FMNL3: variants seen among roughly 807,000 people sequenced by gnomAD.
FMNL3 encodes formin-like protein 3.
In FMNL3, 57 loss-of-function variants were observed where a neutral mutation model predicts 119.6. The ratio of observed to expected loss-of-function variants is 0.48; its 90% CI spans 0.39 to 0.59. FMNL3 has a LOEUF of 0.59. Among genes scored for constraint, FMNL3 ranks in the 20% least tolerant of loss-of-function variants. The probability of loss-of-function intolerance (pLI) is 0.00; values close to 1 mark genes in which losing one functional copy is unlikely to be tolerated. For missense variants in FMNL3, 1,053 were observed against 1,323.5 expected (o/e 0.80, Z 3.17); for synonymous variants, 491 against 507.3 (o/e 0.97, Z 0.43).
rs1265539941 is a variant in FMNL3 at position 49,707,067 on chromosome 12, G to A, written c.114C>T (p.Phe38=). Residue 38 remains phenylalanine, a synonymous_variant, in exon 1 of 26, where the codon TTC becomes TTT. Transcript: ENST00000335154. ...GCTCAGCTCTCACCAGCACCAGGGC[G>A]AACCTTTCCTCCAGCTCACAGGGCT... ...MPEPCELEER[F]ALVLSSMNLP... 1 of 1,586,796 alleles carries A rather than the reference G, an allele frequency of 6.3e-7. No homozygotes were observed. Among genetic ancestry groups the A allele is most frequent in the Non-Finnish European group, 8.6e-7 (1 of 1,167,958 alleles).
intron 1 of FMNL3, among the ~76,000 whole-genome samples, chr12:49,676,885 T>A (rs1223707831): frequency 6.6e-6 from 1 of 152,220 alleles, no homozygotes; most frequent in Admixed American, 6.5e-5. Context: ...TCTAAGCCAC[T>A]TCCCTGCTCT....
chr12:49,683,949 T>C (rs1208917053), intron 1 of FMNL3, among the ~76,000 whole-genome samples: 1 of 152,168 alleles, frequency 6.6e-6, no homozygotes, highest in African/African-American at 2.4e-5. Flanking sequence ...TATTCCTAAA[T>C]ACCCTTTTAG....
At chr12:49,692,985 G>A (rs1183496673) in intron 1 of FMNL3, among the ~76,000 whole-genome samples, 1 of 152,184 alleles carries the variant, frequency 6.6e-6, no homozygotes, top group East Asian at 1.9e-4. Flanking sequence ...AAAGGAGCTT[G>A]TCCTGAACGA....
chr12:49,699,813 G>A (rs1431837984), intron 1 of FMNL3, among the ~76,000 whole-genome samples: 1 of 152,182 alleles, frequency 6.6e-6, no homozygotes, highest in Admixed American at 6.5e-5. Flanking sequence ...GAACTGCAAA[G>A]TAAAACAAGA....
chr12:49,648,490 G>A lies in FMNL3; in HGVS notation c.2516-137C>T, dbSNP rs577801474. On this transcript the variant is annotated intron_variant, in intron 21 of 25. Transcript: ENST00000335154. The stretch of plus-strand genomic sequence containing the variant: ...CACATACCTGTATGGACATAAGGAA[G>A]TACACACCAAGCTAGCTGATCCCTC... 2.0e-4 allele frequency: 175 copies of A among 875,464 alleles called. 3 individuals carry two copies. The South Asian group carries it at 3.6e-3, about 18-fold the overall frequency. 54.2% of individuals were successfully genotyped at this position (875,464 alleles called of 1,614,324 possible).
intron 21 of FMNL3, among the ~76,000 whole-genome samples, chr12:49,648,758 T>C (rs1181248421): frequency 1.3e-5 from 2 of 151,932 alleles, no homozygotes; most frequent in Non-Finnish European, 2.9e-5. Flanking sequence ...CTTGAGGGAG[T>C]TGGGAGTAAA....
In FMNL3 at chr12:49,637,442, T is replaced by TC; in HGVS notation, c.*8372dup. 6.6e-7 allele frequency: 1 copy of TC among 1,526,020 alleles called. No individual in the cohort carries two copies. The highest frequency in any genetic ancestry group is 9.1e-7 in the Non-Finnish European group (1 of 1,103,104). The allele number at this position is 1,526,020 out of a possible 1,614,324, so 94.5% of individuals were successfully genotyped here. A position where few individuals can be genotyped will look rare whatever the true frequency, so the allele number is the denominator to read the frequency against. ...GTGGCTCTGCCTCCCTGTCTCACTC[T>TC]CCCTATAACTGGCCTCTCCCTGCTC... On this transcript the variant is annotated 3_prime_UTR_variant, in exon 26 of 26. Coordinates refer to ENST00000335154, the MANE Select transcript of FMNL3 (RefSeq NM_175736.5).
At position 49,649,475 on chromosome 12, in the gene FMNL3, A is replaced by G. The variant is rs776005382; in HGVS notation, c.2299T>C (p.Leu767=). The G allele has an allele frequency of 3.1e-6, 5 of 1,613,944 alleles. No individual in the cohort carries two copies. In the African/African-American group the frequency reaches 4.0e-5, roughly 13 times the overall value. The change falls in exon 19 of 26, where the codon TTG becomes CTG. Residue 767 remains leucine, a synonymous_variant. Coordinates refer to ENST00000335154, the MANE Select transcript of FMNL3 (RefSeq NM_175736.5). The surrounding 1 kb of genome is among the most constrained non-coding windows in gnomAD (Gnocchi z 5.6). ...TGTTCACAACCTCTTCCCACCTCCAACATCTGCTTCAGCTTCTGTGAAGAC... is the reference window on the plus strand; with the variant it reads ...TGTTCACAACCTCTTCCCACCTCCAGCATCTGCTTCAGCTTCTGTGAAGAC... The part of the protein sequence containing the change: ...VKSSQKLKQM[L]EIILALGNYM...
rs991107595 is a variant in FMNL3 at position 49,652,029 on chromosome 12, G to T, written c.1507C>A (p.Leu503Met). ...GGTGGGGCTGGAGCCAGAAGGTCCA[G>T]GTCGGAGGGTGGCATGCCCTCACTC... ...ELSEGMPPSD[L>M]DLLAPAPPPE... Residue 503 changes from leucine (L) to methionine (M), a missense_variant, in exon 14 of 26, where the codon CTG becomes ATG. Physicochemically the swap from Leu to Met is conservative, Grantham distance 15 (BLOSUM62 2). Coordinates refer to ENST00000335154, the MANE Select transcript of FMNL3 (RefSeq NM_175736.5). 3.7e-6 allele frequency: 6 copies of T among 1,609,006 alleles called. No individual in the cohort carries two copies. The African/African-American group carries it at 6.7e-5, about 18-fold the overall frequency.
Position 49,649,300 on chromosome 12 carries a change from G to A in FMNL3, c.2344C>T (p.Arg782Trp), listed in dbSNP as rs756053023. The A allele has an allele frequency of 6.4e-5, 104 of 1,614,044 alleles. 1 individual carries two copies. Among genetic ancestry groups the A allele is most frequent in the Non-Finnish European group, 8.3e-5 (98 of 1,180,040 alleles). ...ALGNYMNSSK[R>W]GAVYGFKLQS... ...AGCTTGAAGCCATACACAGCTCCCCGCTTGCTGCTGTTCATGTAGTTCCCC... is the reference window on the plus strand; with the variant it reads ...AGCTTGAAGCCATACACAGCTCCCCACTTGCTGCTGTTCATGTAGTTCCCC... The change falls in exon 20 of 26, where the codon CGG (arginine) becomes TGG (tryptophan). Residue 782 changes from arginine (R) to tryptophan (W), a missense_variant. By Grantham distance (101) the Arg-to-Trp change is moderately radical. This residue lies in a region of FMNL3 where 324 missense variants were observed against 380.9 expected (regional missense o/e 0.85). Transcript: ENST00000335154. The surrounding 1 kb of genome is among the most constrained non-coding windows in gnomAD (Gnocchi z 5.6).
rs1592651794 is a variant in FMNL3, at chr12:49,657,152, G to A, written c.644C>T (p.Ser215Phe). ...TLPGRRALKNSRLVSQKDDVH... is the reference protein window; with the variant it reads ...TLPGRRALKNFRLVSQKDDVH... ...GTCATCCTTCTGGCTCACTAGGCGG[G>A]AGTTCTTCAGGGCCCTGCGCCCAGG... Residue 215 changes from serine (S) to phenylalanine (F), a missense_variant, in exon 7 of 26, where the codon TCC (serine) becomes TTC (phenylalanine). Transcript: ENST00000335154. 6.2e-7 allele frequency: 1 copy of A among 1,614,140 alleles called. No homozygotes were observed. Among genetic ancestry groups the A allele is most frequent in the African/African-American group, 1.3e-5 (1 of 75,026 alleles).
Position 49,707,164 on chromosome 12 carries a change from C to A in FMNL3, c.17G>T (p.Ser6Ile), listed in dbSNP as rs1945073419. MGNLE[S>I]AEGVPGEPPS... Reference sequence around the variant, plus strand: ...GGGCTCTCCCGGGACCCCCTCGGCGCTCTCCAGGTTGCCCATCGCGGCGGG... The same window carrying A: ...GGGCTCTCCCGGGACCCCCTCGGCGATCTCCAGGTTGCCCATCGCGGCGGG... The change falls in exon 1 of 26, where the codon AGC becomes ATC. Residue 6 changes from serine (S) to isoleucine (I), a missense_variant. This residue lies in a region of FMNL3 where 264 missense variants were observed against 265.5 expected (regional missense o/e 0.99). Coordinates refer to ENST00000335154, the MANE Select transcript of FMNL3 (RefSeq NM_175736.5). 2 of 1,576,664 alleles carry A rather than the reference C, an allele frequency of 1.3e-6. No individual in the cohort carries two copies. The highest frequency in any genetic ancestry group is 1.4e-5 in the African/African-American group (1 of 72,572).
At position 49,657,126 on chromosome 12, in the gene FMNL3, C is replaced by T. The variant is rs1483562784; in HGVS notation, c.670G>A (p.Val224Ile). The change falls in exon 7 of 26, where the codon GTC (valine) becomes ATC (isoleucine). Residue 224 changes from valine (V) to isoleucine (I), a missense_variant. Val to Ile is a conservative substitution (Grantham distance 29, BLOSUM62 3). Coordinates refer to ENST00000335154, the MANE Select transcript of FMNL3 (RefSeq NM_175736.5). ...NSRLVSQKDD[V>I]HVCILCLRAI... is the part of the protein sequence containing the mutation. The stretch of plus-strand genomic sequence containing the variant: ...CTGAGACAAAGGATACAGACGTGGA[C>T]GTCATCCTTCTGGCTCACTAGGCGG... The T allele has an allele frequency of 1.2e-6, 2 of 1,613,996 alleles. No individual in the cohort carries two copies. The highest frequency in any genetic ancestry group is 1.1e-5 in the South Asian group (1 of 91,086).
At chr12:49,688,760 T>C in intron 1 of FMNL3, 1 of 270,600 alleles carries the variant, frequency 3.7e-6, no homozygotes, top group South Asian at 4.2e-5. Context: ...CTCCAAGTGC[T>C]TGGCCTGGAT....
At chr12:49,648,854 G>A (rs1943299277) in intron 21 of FMNL3, among the ~76,000 whole-genome samples, 175 bp downstream of exon 21, 1 of 152,266 alleles carries the variant, frequency 6.6e-6, no homozygotes, top group Non-Finnish European at 1.5e-5. Context: ...CCTGGAGGAA[G>A]GCTCCCTCTG....
At position 49,643,751 on chromosome 12, in the gene FMNL3, C is replaced by A; in HGVS notation, c.*2064G>T. ...AAAACTAAGAAGAGAAGACACAAGT[C>A]GGTGAGTGAAGGAACTTCTACCTAA... On this transcript the variant is annotated 3_prime_UTR_variant, in exon 26 of 26. Coordinates refer to ENST00000335154, the MANE Select transcript of FMNL3 (RefSeq NM_175736.5). The A allele has an allele frequency of 1.2e-6, 2 of 1,614,022 alleles. No individual in the cohort carries two copies. Among genetic ancestry groups the A allele is most frequent in the Non-Finnish European group, 1.7e-6 (2 of 1,179,996 alleles).
At chr12:49,683,968 G>A (rs1592683082) in intron 1 of FMNL3, among the ~76,000 whole-genome samples, 1 of 152,166 alleles carries the variant, frequency 6.6e-6, no homozygotes, top group East Asian at 1.9e-4. Context: ...AGCCAGCAGA[G>A]ATTTCCTTCT....
At position 49,637,791 on chromosome 12, in the gene FMNL3, T is replaced by C; in HGVS notation, c.*8024A>G. On this transcript the variant is annotated 3_prime_UTR_variant, in exon 26 of 26. Transcript: ENST00000335154. ...TGGAGGAGTTGAAGGCACGATTCCA[T>C]GATGAAAAGAAGATCATTAAGGACA... 1 of 1,563,054 alleles carries C rather than the reference T, an allele frequency of 6.4e-7. No individual in the cohort carries two copies. Among genetic ancestry groups the C allele is most frequent in the Non-Finnish European group, 8.7e-7 (1 of 1,147,592 alleles).
In FMNL3 at chr12:49,647,333, C is replaced by G. The variant is rs367643369; in HGVS notation, c.2814G>C (p.Gln938His). The G allele has an allele frequency of 7.7e-5, 125 of 1,613,810 alleles. 2 individuals are homozygous for G. The East Asian group carries it at 2.4e-3, about 31-fold the overall frequency. The change falls in exon 24 of 26, where the codon CAG becomes CAC. Residue 938 changes from glutamine to histidine, a missense_variant. Gln to His is a conservative substitution (Grantham distance 24, BLOSUM62 0). This residue lies in a region of FMNL3 where 324 missense variants were observed against 380.9 expected (regional missense o/e 0.85). Transcript: ENST00000335154. The surrounding 1 kb of genome is among the most constrained non-coding windows in gnomAD (Gnocchi z 4.9). ...AEQENEARKK[Q>H]EEVMREKQLA... ...GCTGCTTCTCCCGCATTACCTCCTC[C>G]TGCTTCTTGCGGGCTTCATTCTCTT...
Sources: gnomAD v4.1 joint callset for allele counts (sites outside exome capture counted in the v4.1 genomes callset) on GRCh38, gnomAD v4.1.1 for gene constraint, gnomAD v4.1.1 regional missense constraint, Gnocchi (gnomAD v3.1) non-coding constraint, MANE v1.5 for transcripts, NCBI Gene and HGNC (gene_info 2026-07-23, HGNC 2026-07-21) for gene names.